DNAAF8: variants seen among roughly 807,000 people sequenced by gnomAD.
DNAAF8 encodes dynein axonemal-associated protein 1.
A neutral mutation model predicts 54.6 loss-of-function variants in DNAAF8; 61 were observed. The ratio of observed to expected loss-of-function variants is 1.12; its 90% CI spans 0.91 to 1.38. DNAAF8 has a LOEUF of 1.38. Among genes scored for constraint, DNAAF8 ranks in the 40% most tolerant of loss-of-function variants. The pLI is 0.00. For synonymous variants in DNAAF8, 320 were observed against 270.1 expected (o/e 1.18, Z -1.81); for missense variants, 837 against 665.0 (o/e 1.26, Z -2.85).
At chr16:4,748,275 C>G (rs962995029) in intron 9 of DNAAF8, 7 of 136,048 alleles carry the variant, frequency 5.1e-5, no homozygotes, top group African/African-American at 1.9e-4. Context: ...CCAGGTTGGT[C>G]TGGAACTCCT....
chr16:4,747,566 G>T lies in DNAAF8; in HGVS notation c.1504G>T (p.Asp502Tyr), dbSNP rs772634343. 3 of 1,611,834 alleles carry T rather than the reference G, an allele frequency of 1.9e-6. No homozygotes were observed. The highest frequency in any genetic ancestry group is 2.5e-6 in the Non-Finnish European group (3 of 1,179,608). Residue 502 changes from aspartate to tyrosine, a missense_variant, in exon 9 of 10, where the codon GAT (aspartate) becomes TAT (tyrosine). Physicochemically the swap from Asp to Tyr is radical, Grantham distance 160 (BLOSUM62 -3). Coordinates refer to ENST00000299320, the MANE Select transcript of DNAAF8 (RefSeq NM_139170.3). ...LPRGRPRALG[D>Y]VPEPGAAREA... ...AAGAGGCAGGCCCAGAGCCCTGGGG[G>T]ATGTTCCTGAGCCAGGGGCAGCCAG...
chr16:4,736,330 C>A, intron 1 of DNAAF8, 134 bp from the exon 2 acceptor site: 1 of 532,850 alleles, frequency 1.9e-6, no homozygotes, highest in Non-Finnish European at 3.0e-6. Flanking sequence ...CAGGAGCTTG[C>A]ATAACTAGAA....
chr16:4,747,625 G>A lies in DNAAF8; in HGVS notation c.1563G>A (p.Ter521=), dbSNP rs1374855612. The stretch of plus-strand genomic sequence containing the variant: ...TGATGCCTCCTCTGGAGCAACTATA[G>A]CTGCCTCAGGTAGTGGGATCCCAGG... The part of the protein sequence containing the change: ...EALMPPLEQL[*] Residue 521 remains the stop codon, a stop_retained_variant, in exon 9 of 10, where the codon TAG becomes TAA. Transcript: ENST00000299320. 1.2e-6 allele frequency: 2 copies of A among 1,601,768 alleles called. No individual in the cohort carries two copies. The highest frequency in any genetic ancestry group is 1.7e-6 in the Non-Finnish European group (2 of 1,173,002).
At chr16:4,737,573 G>A (rs1409748318) in intron 2 of DNAAF8, among the ~76,000 whole-genome samples, 2 of 152,182 alleles carry the variant, frequency 1.3e-5, no homozygotes, top group Non-Finnish European at 2.9e-5. Context: ...CCACGAGGTT[G>A]TGCTGCCAAG....
intron 5 of DNAAF8, 54 bp downstream of exon 5, chr16:4,743,214 G>A: frequency 1.5e-6 from 2 of 1,333,184 alleles, no homozygotes; most frequent in Non-Finnish European, 2.1e-6. Flanking sequence ...GCACCTTCCT[G>A]GGCCCCTCAG....
intron 9 of DNAAF8, 50 bp downstream of exon 9, chr16:4,747,684 C>A: frequency 6.6e-7 from 1 of 1,524,122 alleles, no homozygotes; most frequent in South Asian, 1.2e-5. Context: ...GCCATGGACC[C>A]TGGGCCCCGG....
chr16:4,746,370 T>G lies in DNAAF8; in HGVS notation c.1044-5T>G. 2 of 1,609,826 alleles carry G rather than the reference T, an allele frequency of 1.2e-6. No homozygotes were observed. Among genetic ancestry groups the G allele is most frequent in the Non-Finnish European group, 1.7e-6 (2 of 1,178,458 alleles). On this transcript the variant is annotated splice_polypyrimidine_tract_variant and splice_region_variant and intron_variant, in intron 6 of 9. Transcript: ENST00000299320. ...ACTCCACAACACCTGCTTTTCTCATTTCAGATGTGCCTCAAGGAAGCAGGG... is the reference window on the plus strand; with the variant it reads ...ACTCCACAACACCTGCTTTTCTCATGTCAGATGTGCCTCAAGGAAGCAGGG...
At chr16:4,744,020 C>G (rs975221524) in intron 5 of DNAAF8, among the ~76,000 whole-genome samples, 1 of 150,370 alleles carries the variant, frequency 6.7e-6, no homozygotes. Flanking sequence ...ACCTCCACCT[C>G]CCGGGTTCAA....
rs759091085 is a variant in DNAAF8 at position 4,736,465 on chromosome 16, G to A, written c.-50G>A. The A allele has an allele frequency of 2.8e-6, 4 of 1,453,698 alleles. No homozygotes were observed. The highest frequency in any genetic ancestry group is 4.5e-5 in the Admixed American group (2 of 44,038). The allele number at this position is 1,453,698 out of a possible 1,614,324, so 90.0% of individuals were successfully genotyped here. A position where few individuals can be genotyped will look rare whatever the true frequency, so the allele number is the denominator to read the frequency against. On this transcript the variant is annotated splice_region_variant and 5_prime_UTR_variant, in exon 2 of 10. Coordinates refer to ENST00000299320, the MANE Select transcript of DNAAF8 (RefSeq NM_139170.3). ...TCCATCACCCTGTGTACCCCACAGA[G>A]CTCCCCGGATTATGGTGCACTGAGA...
chr16:4,737,425 TCAGGGTCA>T (rs1427117674), intron 2 of DNAAF8, among the ~76,000 whole-genome samples: 5 of 152,146 alleles, frequency 3.3e-5, no homozygotes, highest in Non-Finnish European at 7.3e-5. Context: ...AAGTGATGGC[TCAGGGTCA>T]CAGGGGATGG....
Position 4,744,941 on chromosome 16 carries a change from G to T in DNAAF8, c.973G>T (p.Ala325Ser). The change falls in exon 6 of 10, where the codon GCC (alanine) becomes TCC (serine). Residue 325 changes from alanine (A) to serine (S), a missense_variant. Physicochemically the swap from Ala to Ser is moderately conservative, Grantham distance 99. Coordinates refer to ENST00000299320, the MANE Select transcript of DNAAF8 (RefSeq NM_139170.3). ...CCTCCTGTGCACCACGCAGTCCAAG[G>T]CCTCTGCTTGTGCCCGGAAGGTGCC... ...LALLCTTQSK[A>S]SACARKVPAD... The T allele has an allele frequency of 6.2e-7, 1 of 1,613,876 alleles. No homozygotes were observed. The highest frequency in any genetic ancestry group is 1.7e-5 in the Admixed American group (1 of 60,020).
At chr16:4,744,206 C>T (rs2081984365) in intron 5 of DNAAF8, among the ~76,000 whole-genome samples, 2 of 152,202 alleles carry the variant, frequency 1.3e-5, no homozygotes, top group Admixed American at 1.3e-4. Context: ...GCTGGGATTA[C>T]AGGCGTGAGC....
Position 4,734,653 on chromosome 16 carries a change from T to C in DNAAF8, c.-97T>C, listed in dbSNP as rs776195561. Reference sequence around the variant, plus strand: ...GCGGAGTGACGCGCTGGAGGCTGTTTATAGCGCTGTCAGGACAGCGCGGGG... The same window carrying C: ...GCGGAGTGACGCGCTGGAGGCTGTTCATAGCGCTGTCAGGACAGCGCGGGG... On this transcript the variant is annotated 5_prime_UTR_variant, in exon 1 of 10. Coordinates refer to ENST00000299320, the MANE Select transcript of DNAAF8 (RefSeq NM_139170.3). 15 of 152,184 alleles carry C rather than the reference T, an allele frequency of 9.9e-5. No individual in the cohort carries two copies. The highest frequency in any genetic ancestry group is 2.1e-4 in the Non-Finnish European group (14 of 68,126). The allele number at this position is 152,184 out of a possible 1,614,324, so 9.4% of individuals were successfully genotyped here.
At chr16:4,735,404 A>C (rs2081873046) in intron 1 of DNAAF8, 1 of 152,198 alleles carries the variant, frequency 6.6e-6, no homozygotes, top group Non-Finnish European at 1.5e-5. Context: ...CAGAGGAAGC[A>C]AGCAGCCCCC....
chr16:4,743,361 G>A (rs534850000), intron 5 of DNAAF8: 20 of 476,840 alleles, frequency 4.2e-5, no homozygotes, highest in Admixed American at 4.5e-5. Flanking sequence ...CGCCTGCTAC[G>A]TGCCAGGCGT....
In DNAAF8 at chr16:4,747,567, A is replaced by G. The variant is rs545222104; in HGVS notation, c.1505A>G (p.Asp502Gly). ...LPRGRPRALGDVPEPGAAREA... is the reference protein window; with the variant it reads ...LPRGRPRALGGVPEPGAAREA... ...AGAGGCAGGCCCAGAGCCCTGGGGG[A>G]TGTTCCTGAGCCAGGGGCAGCCAGG... Residue 502 changes from aspartate (D) to glycine (G), a missense_variant, in exon 9 of 10, where the codon GAT becomes GGT. Transcript: ENST00000299320. 6.2e-7 allele frequency: 1 copy of G among 1,611,654 alleles called. No homozygotes were observed. The highest frequency in any genetic ancestry group is 1.7e-5 in the Admixed American group (1 of 59,898).
At chr16:4,738,000 C>A in intron 3 of DNAAF8, 54 bp downstream of exon 3, 1 of 1,574,452 alleles carries the variant, frequency 6.4e-7, no homozygotes, top group Non-Finnish European at 8.7e-7. Context: ...TTAGTCTAAA[C>A]TGACTGGTCT....
intron 2 of DNAAF8, 31 bp downstream of exon 2, chr16:4,736,674 G>T (rs1452552440): frequency 6.6e-7 from 1 of 1,524,220 alleles, no homozygotes; most frequent in African/African-American, 1.4e-5. Context: ...TGGATGCCTT[G>T]TCCTTCCTAC....
chr16:4,735,381 A>G (rs1173232700), intron 1 of DNAAF8: 1 of 152,214 alleles, frequency 6.6e-6, no homozygotes, highest in Admixed American at 6.5e-5. Context: ...CACCTGCCCT[A>G]TTCCCAGAAG....
Sources: allele counts gnomAD v4.1 joint callset (sites outside exome capture counted in the v4.1 genomes callset), GRCh38; gene constraint gnomAD v4.1.1; transcripts MANE v1.5; gene names NCBI Gene and HGNC (gene_info 2026-07-23, HGNC 2026-07-21).